The following ARHGAP32 variants were observed in gnomAD, a reference collection of about 807,000 sequenced individuals.
The protein encoded by ARHGAP32 is Rho GTPase activating protein 32.
Under a neutral mutation model 186.5 loss-of-function variants are expected in ARHGAP32, and 51 were observed. The ratio of observed to expected loss-of-function variants is 0.27; its 90% CI spans 0.22 to 0.35. ARHGAP32 has a LOEUF of 0.35. ARHGAP32 is among the 10% of genes least tolerant of loss of function. ARHGAP32 has a pLI of 1.00. For missense variants in ARHGAP32, 2,186 were observed against 2,623.5 expected, an observed-to-expected ratio of 0.83 and a Z score of 3.64; for synonymous variants, 950 against 964.3, an observed-to-expected ratio of 0.99 and a Z score of 0.27.
intron 1 of ARHGAP32, among the ~76,000 whole-genome samples, chr11:129,215,076 C>T (rs999312185): frequency 6.6e-6 from 1 of 151,972 alleles, no homozygotes; most frequent in African/African-American, 2.4e-5. Flanking sequence ...CAGGTGTTAA[C>T]AACTTTCTCT....
At chr11:129,042,724 C>CA (rs1415510697) in intron 10 of ARHGAP32, among the ~76,000 whole-genome samples, 1 of 152,166 alleles carries the variant, frequency 6.6e-6, no homozygotes, top group Non-Finnish European at 1.5e-5. Context: ...TTTGTTTTTA[C>CA]AAGTCTTTGC....
rs1945443666 is a variant in ARHGAP32 at position 128,973,221 on chromosome 11, T to C, written c.3285A>G (p.Glu1095=). The change falls in exon 22 of 23, where the codon GAA becomes GAG. Residue 1095 remains glutamate (E), a synonymous_variant. Coordinates refer to ENST00000682385, the MANE Select transcript of ARHGAP32 (RefSeq NM_001378024.1). ...CAGAGTAAGAACTGGACAGATTATC[T>C]TCAGTTGTAGCCACCGCTATGTCTC... ...NYGDIAVATT[E]DNLSSSYSAV... 3.7e-6 allele frequency: 6 copies of C among 1,614,102 alleles called. No homozygotes were observed. Among genetic ancestry groups the C allele is most frequent in the African/African-American group, 1.3e-5 (1 of 74,936 alleles).
intron 12 of ARHGAP32, among the ~76,000 whole-genome samples, chr11:128,992,753 C>T (rs745972878): frequency 6.6e-6 from 1 of 152,114 alleles, no homozygotes; most frequent in Non-Finnish European, 1.5e-5. Context: ...TGCCATTACA[C>T]TCCAGCCTGG....
At chr11:129,246,692 T>C (rs193093826) in intron 1 of ARHGAP32, among the ~76,000 whole-genome samples, 52 of 152,304 alleles carry the variant, frequency 3.4e-4, no homozygotes, top group East Asian at 9.7e-4. Flanking sequence ...CTAGTGGCAA[T>C]TGAATGCTGA....
At chr11:129,272,770 T>A (rs1223447824) in intron 1 of ARHGAP32, among the ~76,000 whole-genome samples, 2 of 152,226 alleles carry the variant, frequency 1.3e-5, no homozygotes, top group African/African-American at 4.8e-5. Context: ...CAAGAAGAAA[T>A]GAGATCCAGG....
chr11:129,040,592 A>C (rs1939552084), intron 11 of ARHGAP32, among the ~76,000 whole-genome samples: 1 of 152,188 alleles, frequency 6.6e-6, no homozygotes, highest in South Asian at 2.1e-4. Context: ...ATTAATTTTC[A>C]GTTAATCCTA....
intron 1 of ARHGAP32, among the ~76,000 whole-genome samples, chr11:129,206,894 T>G (rs916502477): frequency 2.6e-5 from 4 of 152,092 alleles, no homozygotes; most frequent in South Asian, 2.1e-4. Flanking sequence ...CCTAATGCTA[T>G]CCCTCCCATA....
chr11:129,266,018 T>TA (rs923701242), intron 1 of ARHGAP32, among the ~76,000 whole-genome samples: 2 of 151,972 alleles, frequency 1.3e-5, no homozygotes, highest in Non-Finnish European at 2.9e-5. Flanking sequence ...ATATTTAGAT[T>TA]AAAAAATAAC....
At chr11:129,250,606 G>A (rs1202307292) in intron 1 of ARHGAP32, among the ~76,000 whole-genome samples, 2 of 152,114 alleles carry the variant, frequency 1.3e-5, no homozygotes, top group Non-Finnish European at 2.9e-5. Flanking sequence ...AGAACACTGA[G>A]GCTTCATTCC....
chr11:128,977,977 A>G (rs1303445467), intron 19 of ARHGAP32, among the ~76,000 whole-genome samples: 1 of 151,624 alleles, frequency 6.6e-6, no homozygotes, highest in Non-Finnish European at 1.5e-5. Flanking sequence ...TTGGCCTCCC[A>G]AAGTGTTGGG....
At chr11:129,089,933 T>C (rs1941525879) in intron 6 of ARHGAP32, among the ~76,000 whole-genome samples, 1 of 152,150 alleles carries the variant, frequency 6.6e-6, no homozygotes, top group African/African-American at 2.4e-5. Flanking sequence ...ATGGATGCTA[T>C]CAATTATCTT....
chr11:129,207,882 C>A (rs1944534718), intron 1 of ARHGAP32, among the ~76,000 whole-genome samples: 3 of 152,134 alleles, frequency 2.0e-5, no homozygotes, highest in Non-Finnish European at 4.4e-5. Context: ...GGGCAGCTAT[C>A]CAAGGCATGG....
At chr11:129,137,249 A>C (rs1565440126) in intron 2 of ARHGAP32, among the ~76,000 whole-genome samples, 1 of 151,950 alleles carries the variant, frequency 6.6e-6, no homozygotes, top group Admixed American at 6.5e-5. Context: ...GGGAAGATAA[A>C]CTAAAAACTA....
In ARHGAP32 at chr11:128,971,136, T is replaced by C. The variant is rs1945358606; in HGVS notation, c.4077A>G (p.Pro1359=). Reference sequence around the variant, plus strand: ...TGGCTCGAGGTTCAGGTGGCCTCTCTGGAACTGGAACTACTCCTTGAACCT... The same window carrying C: ...TGGCTCGAGGTTCAGGTGGCCTCTCCGGAACTGGAACTACTCCTTGAACCT... ...SHKVQGVVPV[P]ERPPEPRAMD... is the part of the protein sequence containing the mutation. The change falls in exon 23 of 23, where the codon CCA becomes CCG. Residue 1359 remains proline (P), a synonymous_variant. Coordinates refer to ENST00000682385, the MANE Select transcript of ARHGAP32 (RefSeq NM_001378024.1). 5.0e-6 allele frequency: 8 copies of C among 1,613,340 alleles called. No homozygotes were observed. Among genetic ancestry groups the C allele is most frequent in the Non-Finnish European group, 6.8e-6 (8 of 1,179,352 alleles).
intron 2 of ARHGAP32, among the ~76,000 whole-genome samples, chr11:129,151,414 G>C (rs547291644): frequency 3.4e-4 from 51 of 152,154 alleles, no homozygotes; most frequent in African/African-American, 1.2e-3. Flanking sequence ...AACAACTGCA[G>C]AATATATATT....
rs753089490 is a variant in ARHGAP32, at chr11:128,970,163, C to T, written c.5050G>A (p.Val1684Met). Residue 1684 changes from valine to methionine, a missense_variant, in exon 23 of 23, where the codon GTG becomes ATG. Physicochemically the swap from Val to Met is conservative, Grantham distance 21 (BLOSUM62 1). Around this residue, in one of 5 missense-constraint regions of ARHGAP32, gnomAD observed 1,502 missense variants for 1,570.0 expected, o/e 0.96. Coordinates refer to ENST00000682385, the MANE Select transcript of ARHGAP32 (RefSeq NM_001378024.1). This position sits in a 1 kb window ranked among gnomAD's most constrained non-coding sequence, Gnocchi z 5.8. ...AACTGGACTGTGCCATAGGCATCCACATCACACAGGGCCCCATCTGGACTG... is the reference window on the plus strand; with the variant it reads ...AACTGGACTGTGCCATAGGCATCCATATCACACAGGGCCCCATCTGGACTG... ...YYSPDGALCDVDAYGTVQLRP... is the reference protein window; with the variant it reads ...YYSPDGALCDMDAYGTVQLRP... 1.7e-5 allele frequency: 28 copies of T among 1,614,100 alleles called. No individual in the cohort carries two copies. Among genetic ancestry groups the T allele is most frequent in the Non-Finnish European group, 2.2e-5 (26 of 1,180,042 alleles).
At chr11:129,191,756 T>C (rs1944274778) in intron 1 of ARHGAP32, among the ~76,000 whole-genome samples, 1 of 152,128 alleles carries the variant, frequency 6.6e-6, no homozygotes. Flanking sequence ...AGATCAAATC[T>C]ATTTGATACA....
intron 11 of ARHGAP32, chr11:129,030,644 A>C (rs954337133): frequency 6.6e-6 from 1 of 152,238 alleles, no homozygotes; most frequent in South Asian, 2.1e-4. Context: ...ATAAAACAGA[A>C]ATTTGTGATG....
At chr11:129,016,778 G>A (rs553124112) in intron 11 of ARHGAP32, among the ~76,000 whole-genome samples, 2 of 152,272 alleles carry the variant, frequency 1.3e-5, no homozygotes, top group East Asian at 3.9e-4. Context: ...CATTGAAGCT[G>A]CACTGAATTA....
Sources: gnomAD v4.1 joint callset for allele counts (sites outside exome capture counted in the v4.1 genomes callset) on GRCh38, gnomAD v4.1.1 for gene constraint, gnomAD v4.1.1 regional missense constraint, Gnocchi (gnomAD v3.1) non-coding constraint, MANE v1.5 for transcripts, NCBI Gene and HGNC (gene_info 2026-07-23, HGNC 2026-07-21) for gene names.